Variants in C2CD2 observed in about 807,000 individuals in gnomAD.
C2CD2 encodes the protein C2 domain-containing protein 2.
Under a neutral mutation model 74.3 loss-of-function variants are expected in C2CD2, and 43 were observed. The observed-to-expected ratio is 0.58, with a 90% confidence interval of 0.45 to 0.75. C2CD2 has a LOEUF of 0.75. Ranked by LOEUF, C2CD2 falls within the 30% of genes least tolerant of loss-of-function variation. The probability of loss-of-function intolerance (pLI) is 0.00; values close to 1 mark genes in which losing one functional copy is unlikely to be tolerated. For missense variants in C2CD2, 801 were observed against 916.3 expected (o/e 0.87, Z 1.63); for synonymous variants, 422 against 390.7 (o/e 1.08, Z -0.94).
chr21:41,951,377 G>A (rs2065449555), intron 1 of C2CD2, among the ~76,000 whole-genome samples: 1 of 133,796 alleles, frequency 7.5e-6, no homozygotes, highest in Non-Finnish European at 1.5e-5. Context: ...CCCCAGGAAA[G>A]TAAGCAATAC....
chr21:41,923,251 C>G lies in C2CD2; in HGVS notation c.379-1166G>C, dbSNP rs925076511. Among the ~76,000 whole-genome samples the G allele has an allele frequency of 2.0e-5, 3 of 152,142 alleles. No individual in the cohort carries two copies. Among genetic ancestry groups the G allele is most frequent in the African/African-American group, 7.2e-5 (3 of 41,420 alleles). On this transcript the variant is annotated intron_variant, in intron 2 of 13. Coordinates refer to ENST00000380486, the MANE Select transcript of C2CD2 (RefSeq NM_015500.2). This position sits in a 1 kb window ranked among gnomAD's most constrained non-coding sequence, Gnocchi z 5.8. ...CTCGTGATCCGCCCACCTCGGCCTT[C>G]CAAAGTGCTAGGATTACAGGCATGA...
chr21:41,950,354 C>T (rs773632276), intron 1 of C2CD2, among the ~76,000 whole-genome samples: 2 of 152,198 alleles, frequency 1.3e-5, no homozygotes, highest in Non-Finnish European at 2.9e-5. Context: ...GGCCAGCAGG[C>T]AGATCAGCAA....
chr21:41,902,839 CCTT>C (rs2064915642), intron 11 of C2CD2, among the ~76,000 whole-genome samples: 1 of 152,140 alleles, frequency 6.6e-6, no homozygotes, highest in Non-Finnish European at 1.5e-5. Context: ...GCTGGGGCAT[CCTT>C]CTCATTCCTA....
chr21:41,944,853 T>C (rs1184815728), intron 1 of C2CD2, among the ~76,000 whole-genome samples: 1 of 152,198 alleles, frequency 6.6e-6, no homozygotes, highest in African/African-American at 2.4e-5. Context: ...CAAGGGTGAC[T>C]AGCTCCACCA....
chr21:41,949,451 C>A (rs2065432137), intron 1 of C2CD2, among the ~76,000 whole-genome samples: 1 of 152,126 alleles, frequency 6.6e-6, no homozygotes. Flanking sequence ...GTCTGCAACA[C>A]CACACCAAGT....
At position 41,907,063 on chromosome 21, in the gene C2CD2, A is replaced by G. The variant is rs762678908; in HGVS notation, c.1247T>C (p.Val416Ala). Reference protein sequence around the residue: ...KDRTVMPCGTVVTTVTAVKTK... With the variant: ...KDRTVMPCGTAVTTVTAVKTK... Reference sequence around the variant, plus strand: ...CTTCACAGCAGTGACAGTAGTGACCACAGTCCCACAGGGCATCACCGTGCG... The same window carrying G: ...CTTCACAGCAGTGACAGTAGTGACCGCAGTCCCACAGGGCATCACCGTGCG... Residue 416 changes from valine (V) to alanine (A), a missense_variant, in exon 10 of 14, where the codon GTG becomes GCG. Transcript: ENST00000380486. 8 of 1,613,870 alleles carry G rather than the reference A, an allele frequency of 5.0e-6. No individual in the cohort carries two copies. Among genetic ancestry groups the G allele is most frequent in the Non-Finnish European group, 6.8e-6 (8 of 1,179,844 alleles).
intron 3 of C2CD2, among the ~76,000 whole-genome samples, chr21:41,921,754 ATG>A (rs3833358): frequency 4.6e-5 from 7 of 151,706 alleles, no homozygotes; most frequent in African/African-American, 1.2e-4. Context: ...TTATAAATGT[ATG>A]TGTGTGTGTG....
Position 41,899,484 on chromosome 21 carries a change from C to T in C2CD2, c.1561-122G>A, listed in dbSNP as rs997212776. ...GATTTCAAAGTCTCAGAAGATGCAG[C>T]CGTGGGCCTCATAGAAGGCGCTTAT... On this transcript the variant is annotated intron_variant, in intron 12 of 13. Coordinates refer to ENST00000380486, the MANE Select transcript of C2CD2 (RefSeq NM_015500.2). This position sits in a 1 kb window ranked among gnomAD's most constrained non-coding sequence, Gnocchi z 4.4. The T allele has an allele frequency of 1.9e-5, 18 of 959,464 alleles. No homozygotes were observed. The Admixed American group carries it at 3.9e-4, about 21-fold the overall frequency. The allele number at this position is 959,464 out of a possible 1,614,324, so 59.4% of individuals were successfully genotyped here. A position where few individuals can be genotyped will look rare whatever the true frequency, so the allele number is the denominator to read the frequency against.
intron 12 of C2CD2, among the ~76,000 whole-genome samples, chr21:41,900,048 A>G (rs926733872): frequency 1.3e-5 from 2 of 152,070 alleles, no homozygotes; most frequent in Non-Finnish European, 2.9e-5. Flanking sequence ...GTTCTGACTT[A>G]AGTGCCAGCC....
chr21:41,927,974 C>A (rs918374484), intron 2 of C2CD2, among the ~76,000 whole-genome samples: 3 of 152,202 alleles, frequency 2.0e-5, no homozygotes, highest in African/African-American at 7.2e-5. Context: ...ACAAGAAAGC[C>A]TTTCAGTAAT....
intron 13 of C2CD2, 106 bp downstream of exon 13, chr21:41,898,947 T>C: frequency 1.2e-6 from 1 of 847,656 alleles, no homozygotes. Flanking sequence ...GGAGGGAGTT[T>C]GTAGGGGACA....
chr21:41,951,368 C>A (rs2065449443), intron 1 of C2CD2, among the ~76,000 whole-genome samples: 1 of 150,620 alleles, frequency 6.6e-6, no homozygotes, highest in Non-Finnish European at 1.5e-5. Flanking sequence ...CACCCCCGTC[C>A]CCAGGAAAGT....
chr21:41,951,016 G>C (rs1001000155), intron 1 of C2CD2, among the ~76,000 whole-genome samples: 3 of 152,188 alleles, frequency 2.0e-5, no homozygotes, highest in Non-Finnish European at 2.9e-5. Context: ...TGGAGTGTCA[G>C]CCCTAATCCG....
At position 41,903,199 on chromosome 21, in the gene C2CD2, CT is replaced by C. The variant is rs576561826; in HGVS notation, c.1433-1451del. Among the ~76,000 whole-genome samples the C allele has an allele frequency of 8.5e-5, 13 of 152,294 alleles. No individual in the cohort carries two copies. Among genetic ancestry groups the C allele is most frequent in the Middle Eastern group, 3.4e-3 (1 of 294 alleles). ...CTGTGCCCTGAGCCCCTTCATCTGGCTGTGCATTTGTGTGATAATAAACTGG... is the reference window on the plus strand; with the variant it reads ...CTGTGCCCTGAGCCCCTTCATCTGGCGTGCATTTGTGTGATAATAAACTGG... On this transcript the variant is annotated intron_variant, in intron 11 of 13. Coordinates refer to ENST00000380486, the MANE Select transcript of C2CD2 (RefSeq NM_015500.2). This position sits in a 1 kb window ranked among gnomAD's most constrained non-coding sequence, Gnocchi z 4.5.
chr21:41,914,816 A>C, intron 5 of C2CD2, 95 bp from the exon 6 acceptor site: 1 of 1,102,200 alleles, frequency 9.1e-7, no homozygotes, highest in Admixed American at 2.1e-5. Flanking sequence ...GGGTGGTGGC[A>C]GTGGGGTGTC....
chr21:41,937,359 C>T (rs2065317796), intron 2 of C2CD2, among the ~76,000 whole-genome samples: 2 of 152,126 alleles, frequency 1.3e-5, no homozygotes, highest in Admixed American at 1.3e-4. Context: ...CCTCGTGATC[C>T]ACCTGCCTCA....
At chr21:41,941,352 T>A (rs940130335) in intron 2 of C2CD2, among the ~76,000 whole-genome samples, 1 of 151,960 alleles carries the variant, frequency 6.6e-6, no homozygotes, top group Non-Finnish European at 1.5e-5. Context: ...CGAGATCCCA[T>A]CCCTAAAACA....
chr21:41,905,459 T>C (rs1601560207), intron 11 of C2CD2, among the ~76,000 whole-genome samples: 1 of 152,228 alleles, frequency 6.6e-6, no homozygotes, highest in East Asian at 1.9e-4. Flanking sequence ...CTGGGATTAC[T>C]GGCATGCGCC....
At position 41,928,544 on chromosome 21, in the gene C2CD2, CAAAAAAAAA is replaced by C. The variant is rs59346777; in HGVS notation, c.379-6468_379-6460del. ...GAATTTCAAATCATGTAAAGCAAAG[CAAAAAAAAA>C]AAAAAAAAAAAAAAAGACAACTGAG... On this transcript the variant is annotated intron_variant, in intron 2 of 13. Coordinates refer to ENST00000380486, the MANE Select transcript of C2CD2 (RefSeq NM_015500.2). Among the ~76,000 whole-genome samples, 380 of 72,274 alleles carry C rather than the reference CAAAAAAAAA, an allele frequency of 5.3e-3. 5 individuals are homozygous for C. The East Asian group carries it at 0.058, about 11-fold the overall frequency. The allele number at this position is 72,274 out of a possible 152,430, so 47.4% of individuals were successfully genotyped here. A position where few individuals can be genotyped will look rare whatever the true frequency, so the allele number is the denominator to read the frequency against.
Sources: gnomAD v4.1 joint callset for allele counts (sites outside exome capture counted in the v4.1 genomes callset) on GRCh38, gnomAD v4.1.1 for gene constraint, Gnocchi (gnomAD v3.1) non-coding constraint, MANE v1.5 for transcripts, NCBI Gene and HGNC (gene_info 2026-07-23, HGNC 2026-07-21) for gene names.